The following NR3C1 variants were observed in gnomAD, a reference collection of about 807,000 sequenced individuals.
NR3C1 encodes the protein glucocorticoid receptor.
NR3C1 carries 14 observed loss-of-function variants against 74.0 expected under a neutral mutation model. The observed-to-expected ratio is 0.19, with a 90% CI of 0.12 to 0.30. The LOEUF is 0.30. Among genes scored for constraint, NR3C1 ranks in the 10% least tolerant of loss-of-function variants. The probability of loss-of-function intolerance (pLI) is 1.00; values close to 1 mark genes in which losing one functional copy is unlikely to be tolerated. For synonymous variants in NR3C1, 308 were observed against 332.5 expected (o/e 0.93, Z 0.80); for missense variants, 695 against 909.8 (o/e 0.76, Z 3.04).
chr5:143,403,641 G>C lies in NR3C1; in HGVS notation c.-444C>G, dbSNP rs1240981176. The C allele has an allele frequency of 2.0e-6, 2 of 985,822 alleles. No homozygotes were observed. Among genetic ancestry groups the C allele is most frequent in the East Asian group, 1.1e-4 (1 of 8,800 alleles). 61.1% of individuals were successfully genotyped at this position (985,822 alleles called of 1,614,324 possible). A position where few individuals can be genotyped will look rare whatever the true frequency, so the allele number is the denominator to read the frequency against. On this transcript the variant is annotated 5_prime_UTR_variant, in exon 1 of 9. Transcript: ENST00000394464. ...CGCGGACACGCGAAAGGGCAGCCCG[G>C]CCTGGGCGAGCGAGCGGGACCGAGC...
At chr5:143,339,116 A>G (rs1009099035) in intron 2 of NR3C1, among the ~76,000 whole-genome samples, 1 of 152,176 alleles carries the variant, frequency 6.6e-6, no homozygotes. Flanking sequence ...AGTTCACTCT[A>G]TGATGTCTGC....
At chr5:143,314,295 C>A (rs925385512) in intron 2 of NR3C1, 127 bp from the exon 3 acceptor site, 4 of 860,708 alleles carry the variant, frequency 4.6e-6, no homozygotes, top group Admixed American at 2.0e-5. Context: ...CTAGCAGGCA[C>A]TAAAATATCC....
intron 1 of NR3C1, among the ~76,000 whole-genome samples, chr5:143,415,053 A>C (rs1841431726): frequency 6.6e-6 from 1 of 152,166 alleles, no homozygotes; most frequent in South Asian, 2.1e-4. Flanking sequence ...ATAACTTTAG[A>C]TATTACTTAT....
Position 143,409,807 on chromosome 5 carries a change from G to A in NR3C1, c.-13-8955C>T, listed in dbSNP as rs61757449. Among the ~76,000 whole-genome samples the A allele has an allele frequency of 4.3e-3, 656 of 152,226 alleles. 2 individuals carry two copies. Among genetic ancestry groups the A allele is most frequent in the African/African-American group, 0.015 (624 of 41,542 alleles). On this transcript the variant is annotated intron_variant, in intron 1 of 8. Coordinates refer to the NR3C1 transcript ENST00000343796. ...CGTTGTAATTAGAATTAACATTCCCGCCTGGACTGGGAAATGCTAAATTAT... is the reference window on the plus strand; with the variant it reads ...CGTTGTAATTAGAATTAACATTCCCACCTGGACTGGGAAATGCTAAATTAT...
At chr5:143,380,921 A>G (rs894514044) in intron 2 of NR3C1, among the ~76,000 whole-genome samples, 7 of 152,186 alleles carry the variant, frequency 4.6e-5, no homozygotes, top group Non-Finnish European at 1.0e-4. Context: ...CTGTTATTCA[A>G]CTGGAAGTAC....
chr5:143,292,152 TCAGTTTCCTC>T (rs1368477000), intron 7 of NR3C1, among the ~76,000 whole-genome samples: 7 of 152,290 alleles, frequency 4.6e-5, no homozygotes, highest in Admixed American at 1.3e-4. Flanking sequence ...ACTGGAGGCT[TCAGTTTCCTC>T]TAGTTTCCTT....
intron 8 of NR3C1, 34 bp downstream of exon 8, chr5:143,282,534 A>C (rs750431120): frequency 6.2e-7 from 1 of 1,612,750 alleles, no homozygotes; most frequent in East Asian, 2.2e-5. Flanking sequence ...TGTCCCAGAA[A>C]ACTCTTATAT....
chr5:143,381,175 G>A (rs184541293), intron 2 of NR3C1, among the ~76,000 whole-genome samples: 1 of 151,874 alleles, frequency 6.6e-6, no homozygotes, highest in Non-Finnish European at 1.5e-5. Flanking sequence ...AAATCAGAAA[G>A]TAATCTCATT....
At chr5:143,310,339 G>T (rs933571792) in intron 3 of NR3C1, 126 bp from the exon 4 acceptor site, 2 of 719,948 alleles carry the variant, frequency 2.8e-6, no homozygotes, top group African/African-American at 1.8e-5. Flanking sequence ...TTGAGGGAAT[G>T]TTCTTGCCTA....
At chr5:143,301,162 A>G (rs1354047108) in intron 4 of NR3C1, among the ~76,000 whole-genome samples, 1 of 149,822 alleles carries the variant, frequency 6.7e-6, no homozygotes, top group Non-Finnish European at 1.5e-5. Flanking sequence ...CTATAAACTG[A>G]AAAAAAAATC....
intron 2 of NR3C1, among the ~76,000 whole-genome samples, chr5:143,372,489 A>G (rs1228208465): frequency 2.0e-5 from 3 of 152,208 alleles, no homozygotes; most frequent in African/African-American, 7.2e-5. Flanking sequence ...ATAAAATTTA[A>G]AACTCTTCGA....
At chr5:143,330,195 AAAG>A (rs762690901) in intron 2 of NR3C1, among the ~76,000 whole-genome samples, 18 of 152,200 alleles carry the variant, frequency 1.2e-4, no homozygotes, top group Non-Finnish European at 2.2e-4. Context: ...TATGTTAAAT[AAAG>A]AAGAAACATT....
intron 2 of NR3C1, chr5:143,332,819 T>C: frequency 1.3e-6 from 2 of 1,490,488 alleles, no homozygotes; most frequent in East Asian, 2.3e-5. Flanking sequence ...AGAGAACCAC[T>C]GCAAGACTTC....
chr5:143,422,269 G>A (rs1297760398), intron 1 of NR3C1, among the ~76,000 whole-genome samples: 2 of 152,154 alleles, frequency 1.3e-5, no homozygotes, highest in African/African-American at 2.4e-5. Flanking sequence ...GCCTCCCAAC[G>A]ATCATCCCAA....
chr5:143,417,546 G>A (rs937695855), intron 1 of NR3C1, among the ~76,000 whole-genome samples: 3 of 152,040 alleles, frequency 2.0e-5, no homozygotes, highest in African/African-American at 7.2e-5. Flanking sequence ...GCCTCAGGAG[G>A]TTCTTATACA....
chr5:143,375,301 T>TA (rs1453900652), intron 2 of NR3C1, among the ~76,000 whole-genome samples: 2 of 151,224 alleles, frequency 1.3e-5, no homozygotes, highest in South Asian at 2.1e-4. Flanking sequence ...GATTTAAACC[T>TA]AAAAAAAAAT....
At chr5:143,373,347 C>T (rs995032313) in intron 2 of NR3C1, among the ~76,000 whole-genome samples, 1 of 151,734 alleles carries the variant, frequency 6.6e-6, no homozygotes. Flanking sequence ...AATGTATGTA[C>T]TGTATTCATT....
chr5:143,361,660 G>A (rs1310644408), intron 2 of NR3C1, among the ~76,000 whole-genome samples: 2 of 152,118 alleles, frequency 1.3e-5, no homozygotes, highest in Non-Finnish European at 2.9e-5. Flanking sequence ...GTTGCCTGGT[G>A]GACAGTACTA....
intron 7 of NR3C1, among the ~76,000 whole-genome samples, chr5:143,284,693 C>G (rs1222317769): frequency 1.3e-5 from 2 of 151,786 alleles, no homozygotes; most frequent in African/African-American, 4.8e-5. Context: ...CCTCTTTTGG[C>G]TGCAGGAAGT....
Sources: gnomAD v4.1 joint callset for allele counts (sites outside exome capture counted in the v4.1 genomes callset) on GRCh38, gnomAD v4.1.1 for gene constraint, MANE v1.5 for transcripts, NCBI Gene and HGNC (gene_info 2026-07-23, HGNC 2026-07-21) for gene names.